Variants in OC90 observed in about 807,000 individuals in gnomAD.
OC90 encodes the protein otoconin-90.
In OC90, 46 loss-of-function variants were observed where a neutral mutation model predicts 47.3. The ratio of observed to expected loss-of-function variants is 0.97; its 90% CI spans 0.77 to 1.24. OC90 has a LOEUF of 1.24. Ranked by LOEUF, OC90 falls within the 50% of genes most tolerant of loss-of-function variation. The probability of loss-of-function intolerance (pLI) is 0.00; values close to 1 mark genes in which losing one functional copy is unlikely to be tolerated. For synonymous variants in OC90, 271 were observed against 219.5 expected (o/e 1.23, Z -2.07); for missense variants, 688 against 583.9 (o/e 1.18, Z -1.84).
At chr8:132,044,876 T>C (rs1001094135) in intron 3 of OC90, among the ~76,000 whole-genome samples, 8 of 152,222 alleles carry the variant, frequency 5.3e-5, no homozygotes, top group Non-Finnish European at 1.2e-4. Flanking sequence ...TTACTAGAGA[T>C]ACTGATTCCT....
intron 6 of OC90, among the ~76,000 whole-genome samples, chr8:132,039,672 CCCT>C (rs1371811128): frequency 1.3e-5 from 2 of 152,168 alleles, no homozygotes; most frequent in Admixed American, 6.5e-5. Flanking sequence ...CTCTTCCACT[CCCT>C]CCTCATCAAC....
At chr8:132,053,258 T>C (rs984824308) in intron 2 of OC90, among the ~76,000 whole-genome samples, 2 of 152,206 alleles carry the variant, frequency 1.3e-5, no homozygotes, top group Admixed American at 6.5e-5. Context: ...CATGTTGCAA[T>C]GATCTGTTTA....
chr8:132,041,247 A>G, intron 5 of OC90, 91 bp from the exon 6 acceptor site: 1 of 811,470 alleles, frequency 1.2e-6, no homozygotes, highest in Non-Finnish European at 2.1e-6. Context: ...CTCTGGATGG[A>G]TCCTGGCAGT....
intron 6 of OC90, among the ~76,000 whole-genome samples, chr8:132,039,691 T>C (rs757657804): frequency 6.6e-6 from 1 of 152,110 alleles, no homozygotes; most frequent in Non-Finnish European, 1.5e-5. Flanking sequence ...TCAACCCATT[T>C]GTGTCTCACT....
At chr8:132,028,828 A>T (rs1822826531) in intron 13 of OC90, among the ~76,000 whole-genome samples, 1 of 148,988 alleles carries the variant, frequency 6.7e-6, no homozygotes, top group Non-Finnish European at 1.5e-5. Flanking sequence ...AGAAAAAGAA[A>T]GAAAGAAAGA....
Position 132,055,032 on chromosome 8 carries a change from G to A in OC90, c.-6C>T, listed in dbSNP as rs765360305. On this transcript the variant is annotated 5_prime_UTR_variant, in exon 2 of 14. Coordinates refer to ENST00000254627, the MANE Select transcript of OC90 (RefSeq NM_001080399.3). ...GTGAGGAGAAACGCAATCATAGCAG[G>A]AGAACAAAGGATGGGGCTTAGGCAG... The A allele has an allele frequency of 2.6e-5, 41 of 1,550,806 alleles. No individual in the cohort carries two copies. Among genetic ancestry groups the A allele is most frequent in the Non-Finnish European group, 3.5e-5 (40 of 1,146,738 alleles).
At chr8:132,035,526 C>T (rs980123690) in intron 9 of OC90, among the ~76,000 whole-genome samples, 5 of 151,982 alleles carry the variant, frequency 3.3e-5, no homozygotes, top group African/African-American at 7.2e-5. Context: ...CTGTGCCACA[C>T]GAAAAAATGT....
chr8:132,051,092 A>T (rs918317294), intron 2 of OC90, among the ~76,000 whole-genome samples: 2 of 152,236 alleles, frequency 1.3e-5, no homozygotes, highest in Admixed American at 1.3e-4. Flanking sequence ...AGGGAAAAAC[A>T]ACAGGGTTTA....
At chr8:132,043,813 G>T (rs1823092466) in intron 4 of OC90, among the ~76,000 whole-genome samples, 1 of 152,218 alleles carries the variant, frequency 6.6e-6, no homozygotes, top group Non-Finnish European at 1.5e-5. Flanking sequence ...CCTGCACTTA[G>T]TTATACAAAC....
At chr8:132,050,967 C>G (rs1823205201) in intron 2 of OC90, among the ~76,000 whole-genome samples, 1 of 152,132 alleles carries the variant, frequency 6.6e-6, no homozygotes, top group African/African-American at 2.4e-5. Flanking sequence ...GCACTCCAAC[C>G]TGGGCAACAA....
intron 13 of OC90, among the ~76,000 whole-genome samples, chr8:132,025,505 C>A (rs2130847953): frequency 2.0e-5 from 3 of 152,252 alleles, no homozygotes; most frequent in Middle Eastern, 6.8e-3. Flanking sequence ...CTTCAACCAG[C>A]AAAGGGTGCC....
At chr8:132,047,644 A>C (rs1823151358) in intron 2 of OC90, among the ~76,000 whole-genome samples, 1 of 151,268 alleles carries the variant, frequency 6.6e-6, no homozygotes. Flanking sequence ...TTAAAAAAAT[A>C]AGCCACATTG....
At position 132,024,772 on chromosome 8, in the gene OC90, C is replaced by T. The variant is rs765790699; in HGVS notation, c.1143G>A (p.Gly381=). 4 of 1,611,510 alleles carry T rather than the reference C, an allele frequency of 2.5e-6. No homozygotes were observed. The highest frequency in any genetic ancestry group is 1.7e-5 in the Admixed American group (1 of 59,884). The change falls in exon 14 of 14, where the codon GGG becomes GGA. Residue 381 remains glycine, a synonymous_variant. Coordinates refer to ENST00000254627, the MANE Select transcript of OC90 (RefSeq NM_001080399.3). ...GCAACTTCTCACACAGGCTTTGGCC[C>T]CCACCTTAGAAGGAAAGAGCAGAGT... ...VVCVDHTPKC[G]GQSLCEKLLC... is the part of the protein sequence containing the mutation.
At chr8:132,047,700 T>C (rs990199457) in intron 2 of OC90, among the ~76,000 whole-genome samples, 15 of 152,196 alleles carry the variant, frequency 9.9e-5, no homozygotes, top group African/African-American at 3.4e-4. Context: ...AACTTTTATT[T>C]GTAAATGGGA....
intron 2 of OC90, among the ~76,000 whole-genome samples, chr8:132,052,518 AG>A (rs1823226517): frequency 6.6e-6 from 1 of 152,234 alleles, no homozygotes; most frequent in South Asian, 2.1e-4. Flanking sequence ...GATGTTAATA[AG>A]GTGTGCTTTC....
At chr8:132,055,130 A>G in intron 1 of OC90, 57 bp from the exon 2 acceptor site, 1 of 912,028 alleles carries the variant, frequency 1.1e-6, no homozygotes, top group Non-Finnish European at 1.7e-6. Flanking sequence ...CCATGAAAGA[A>G]CCCATGGGAC....
At chr8:132,047,240 C>T (rs1161658545) in intron 2 of OC90, among the ~76,000 whole-genome samples, 2 of 152,186 alleles carry the variant, frequency 1.3e-5, no homozygotes, top group Non-Finnish European at 2.9e-5. Context: ...ACCAATATAC[C>T]ATCCCACAAG....
Position 132,044,478 on chromosome 8 carries a change from A to G in OC90, c.124T>C (p.Phe42Leu). The G allele has an allele frequency of 6.5e-7, 1 of 1,549,950 alleles. No individual in the cohort carries two copies. The highest frequency in any genetic ancestry group is 8.8e-7 in the Non-Finnish European group (1 of 1,137,536). Residue 42 changes from phenylalanine (F) to leucine (L), a missense_variant, in exon 4 of 14, where the codon TTC (phenylalanine) becomes CTC (leucine). Phe to Leu is a conservative substitution (Grantham distance 22). Coordinates refer to ENST00000254627, the MANE Select transcript of OC90 (RefSeq NM_001080399.3). ...TCCACATTTTTAAACATCCCACTGAAGAAAGTGATATCTAAGTGTAAGAAA... is the reference window on the plus strand; with the variant it reads ...TCCACATTTTTAAACATCCCACTGAGGAAAGTGATATCTAAGTGTAAGAAA... Reference protein sequence around the residue: ...GLPNNINITFFSGMFKNVESV... With the variant: ...GLPNNINITFLSGMFKNVESV...
At chr8:132,036,711 G>C (rs1049126384) in intron 9 of OC90, among the ~76,000 whole-genome samples, 6 of 152,260 alleles carry the variant, frequency 3.9e-5, no homozygotes, top group African/African-American at 1.2e-4. Context: ...GCTTAAGAGA[G>C]AGTTTAGAAG....
Sources: gnomAD v4.1 joint callset for allele counts (sites outside exome capture counted in the v4.1 genomes callset) on GRCh38, gnomAD v4.1.1 for gene constraint, MANE v1.5 for transcripts, NCBI Gene and HGNC (gene_info 2026-07-23, HGNC 2026-07-21) for gene names.